ZYX: variants seen among roughly 807,000 people sequenced by gnomAD.
The protein encoded by ZYX is zyxin-2.
In ZYX, 37 loss-of-function variants were observed where a neutral mutation model predicts 58.1. The ratio of observed to expected loss-of-function variants is 0.64; its 90% CI spans 0.49 to 0.84. The LOEUF (loss-of-function observed/expected upper bound fraction) is 0.84, where lower values mean the gene tolerates loss of function less well. ZYX is among the 40% of genes least tolerant of loss of function. The pLI is 0.00. For missense variants in ZYX, 762 were observed against 761.6 expected (o/e 1.00, Z -0.01); for synonymous variants, 324 against 321.1 (o/e 1.01, Z -0.10).
chr7:143,385,064 G>A (rs991061525), intron 5 of ZYX, among the ~76,000 whole-genome samples: 4 of 152,146 alleles, frequency 2.6e-5, no homozygotes, highest in African/African-American at 7.2e-5. Context: ...GGAGGTGCGG[G>A]AAGAAGAGTC....
chr7:143,381,770 C>T lies in ZYX; in HGVS notation c.199C>T (p.Pro67Ser), dbSNP rs561592577. The change falls in exon 2 of 10, where the codon CCC becomes TCC. Residue 67 changes from proline to serine, a missense_variant. By Grantham distance (74) the Pro-to-Ser change is moderately conservative. Transcript: ENST00000322764. ...MGRVGEIPPP[P>S]PEDFPLPPPP... ...CCGGGTGGGCGAGATTCCCCCGCCG[C>T]CCCCGGAAGGTATGCGGCGGGGCTT... The T allele has an allele frequency of 7.4e-4, 1,164 of 1,575,378 alleles. 6 individuals are homozygous for T. Among genetic ancestry groups the T allele is most frequent in the South Asian group, 4.7e-3 (408 of 87,310 alleles).
chr7:143,386,484 G>A (rs1002274320), intron 5 of ZYX, among the ~76,000 whole-genome samples: 5 of 152,082 alleles, frequency 3.3e-5, no homozygotes, highest in Non-Finnish European at 5.9e-5. Context: ...GAGGTCGCGC[G>A]GGTGCTGCAG....
intron 5 of ZYX, among the ~76,000 whole-genome samples, chr7:143,386,845 T>C (rs1804882576): frequency 6.6e-6 from 1 of 152,124 alleles, no homozygotes; most frequent in African/African-American, 2.4e-5. Context: ...GGATGATGAC[T>C]GAGATGGACG....
chr7:143,383,266 C>A lies in ZYX; in HGVS notation c.967C>A (p.Pro323Thr), dbSNP rs1173498341. The change falls in exon 5 of 10, where the codon CCC becomes ACC. Residue 323 changes from proline to threonine, a missense_variant. Physicochemically the swap from Pro to Thr is conservative, Grantham distance 38 (BLOSUM62 -1). Transcript: ENST00000322764. The stretch of plus-strand genomic sequence containing the variant: ...CACCTATGCCCAGCAGAGGGAGAAG[C>A]CCCGAGTGCAGGAGAAGCAGCACCC... ...SFTYAQQREKPRVQEKQHPVP... is the reference protein window; with the variant it reads ...SFTYAQQREKTRVQEKQHPVP... The A allele has an allele frequency of 6.2e-7, 1 of 1,613,774 alleles. No individual in the cohort carries two copies. The highest frequency in any genetic ancestry group is 8.5e-7 in the Non-Finnish European group (1 of 1,179,952).
In ZYX at chr7:143,390,857, A is replaced by T. The variant is rs1805046099; in HGVS notation, c.*175A>T. The T allele has an allele frequency of 1.7e-6, 1 of 598,190 alleles. No individual in the cohort carries two copies. 37.1% of individuals were successfully genotyped at this position (598,190 alleles called of 1,614,324 possible). A position where few individuals can be genotyped will look rare whatever the true frequency, so the allele number is the denominator to read the frequency against. Reference sequence around the variant, plus strand: ...ACCCAACATGGTCTAGGGATGCAGGATCCCCGCCCTGGGGTCTGGTCCTCG... The same window carrying T: ...ACCCAACATGGTCTAGGGATGCAGGTTCCCCGCCCTGGGGTCTGGTCCTCG... On this transcript the variant is annotated 3_prime_UTR_variant, in exon 10 of 10. Transcript: ENST00000322764. The surrounding 1 kb of genome is among the most constrained non-coding windows in gnomAD (Gnocchi z 4.3).
chr7:143,381,944 GC>G, intron 2 of ZYX, 165 bp downstream of exon 2: 1 of 757,822 alleles, frequency 1.3e-6, no homozygotes, highest in Non-Finnish European at 2.0e-6. Context: ...GTGGCTGGGA[GC>G]CAGGGCTCCT....
chr7:143,390,806 T>G lies in ZYX; in HGVS notation c.*124T>G. On this transcript the variant is annotated 3_prime_UTR_variant, in exon 10 of 10. Transcript: ENST00000322764. This position sits in a 1 kb window ranked among gnomAD's most constrained non-coding sequence, Gnocchi z 4.3. ...GCCCCTCCCATTTCCAACCCCTCCC[T>G]AGCATCCCAGGTGCCCTGACCCAGG... is the stretch of plus-strand genomic sequence containing the variant. The G allele has an allele frequency of 1.3e-6, 1 of 743,440 alleles. No homozygotes were observed. Among genetic ancestry groups the G allele is most frequent in the Admixed American group, 2.2e-5 (1 of 46,382 alleles). The allele number at this position is 743,440 out of a possible 1,614,324, so 46.1% of individuals were successfully genotyped here.
chr7:143,387,834 CA>C lies in ZYX; in HGVS notation c.1024-384del, dbSNP rs1295298657. On this transcript the variant is annotated intron_variant, in intron 5 of 9. Coordinates refer to ENST00000322764, the MANE Select transcript of ZYX (RefSeq NM_003461.5). This position sits in a 1 kb window ranked among gnomAD's most constrained non-coding sequence, Gnocchi z 5.8. ...TGCACGCCATTGCGTGCCCCTGTCC[CA>C]TGGGGGCGATGTCCGAGCATGCTCT... 3 of 481,276 alleles carry C rather than the reference CA, an allele frequency of 6.2e-6. No homozygotes were observed. The Admixed American group carries it at 7.0e-5, about 11-fold the overall frequency. The allele number at this position is 481,276 out of a possible 1,614,324, so 29.8% of individuals were successfully genotyped here.
chr7:143,383,787 G>C (rs1804757414), intron 5 of ZYX, among the ~76,000 whole-genome samples: 1 of 152,230 alleles, frequency 6.6e-6, no homozygotes, highest in African/African-American at 2.4e-5. Context: ...CCACGTGCCA[G>C]GCACTGTGCT....
chr7:143,388,629 G>T lies in ZYX; in HGVS notation c.1285G>T (p.Gly429Trp). 1 of 1,613,502 alleles carries T rather than the reference G, an allele frequency of 6.2e-7. No individual in the cohort carries two copies. The highest frequency in any genetic ancestry group is 8.5e-7 in the Non-Finnish European group (1 of 1,179,940). ...GGGCCAGCAGTTCTACAGTCTGGAG[G>T]GGGCGCCGTACTGCGAGGGCTGTTA... ...LQGQQFYSLE[G>W]APYCEGCYTD... The change falls in exon 7 of 10, where the codon GGG (glycine) becomes TGG (tryptophan). Residue 429 changes from glycine (G) to tryptophan (W), a missense_variant. Physicochemically the swap from Gly to Trp is radical, Grantham distance 184 (BLOSUM62 -2). Transcript: ENST00000322764. The surrounding 1 kb of genome is among the most constrained non-coding windows in gnomAD (Gnocchi z 7.5).
rs774881530 is a variant in ZYX, at chr7:143,382,320, C to T, written c.281C>T (p.Pro94Leu). The part of the protein sequence containing the change: ...DAEGALGGAF[P>L]PPPPPIEESF... ...GAGGGTGCTCTGGGAGGTGCCTTCC[C>T]GCCGCCCCCTCCCCCGATCGAGGAA... Residue 94 changes from proline to leucine, a missense_variant, in exon 3 of 10, where the codon CCG (proline) becomes CTG (leucine). Physicochemically the swap from Pro to Leu is moderately conservative, Grantham distance 98 (BLOSUM62 -3). Coordinates refer to ENST00000322764, the MANE Select transcript of ZYX (RefSeq NM_003461.5). 1.9e-6 allele frequency: 3 copies of T among 1,609,612 alleles called. No homozygotes were observed. Among genetic ancestry groups the T allele is most frequent in the South Asian group, 1.1e-5 (1 of 90,780 alleles).
Position 143,387,195 on chromosome 7 carries a change from C to T in ZYX, c.1024-1024C>T, listed in dbSNP as rs897176412. On this transcript the variant is annotated intron_variant, in intron 5 of 9. Transcript: ENST00000322764. This position sits in a 1 kb window ranked among gnomAD's most constrained non-coding sequence, Gnocchi z 5.8. Reference sequence around the variant, plus strand: ...ATCTGGAGAGTTGGACTTATATGGACGCATGCTTCACTGGGCAGAAAGGAC... The same window carrying T: ...ATCTGGAGAGTTGGACTTATATGGATGCATGCTTCACTGGGCAGAAAGGAC... Among the ~76,000 whole-genome samples, 15 of 151,918 alleles carry T rather than the reference C, an allele frequency of 9.9e-5. No individual in the cohort carries two copies. Among genetic ancestry groups the T allele is most frequent in the African/African-American group, 2.7e-4 (11 of 41,320 alleles).
At position 143,390,380 on chromosome 7, in the gene ZYX, C is replaced by T; in HGVS notation, c.1615-198C>T. 5 of 591,398 alleles carry T rather than the reference C, an allele frequency of 8.5e-6. No homozygotes were observed. Among genetic ancestry groups the T allele is most frequent in the Non-Finnish European group, 1.2e-5 (4 of 330,890 alleles). The allele number at this position is 591,398 out of a possible 1,614,324, so 36.6% of individuals were successfully genotyped here. On this transcript the variant is annotated intron_variant, in intron 9 of 9. Transcript: ENST00000322764. This position sits in a 1 kb window ranked among gnomAD's most constrained non-coding sequence, Gnocchi z 4.3. ...GGAGCAGCTCTACCCACTGCTTGCC[C>T]TCTTGCAGGAAGGTCCTAGTGGGTG...
chr7:143,386,439 G>C (rs897489092), intron 5 of ZYX, among the ~76,000 whole-genome samples: 2 of 152,088 alleles, frequency 1.3e-5, no homozygotes, highest in African/African-American at 4.8e-5. Flanking sequence ...GAGATGGAGA[G>C]GTCTGGAACG....
In ZYX at chr7:143,381,610, G is replaced by T. The variant is rs370539938; in HGVS notation, c.39G>T (p.Ser13=). Residue 13 remains serine (S), a synonymous_variant, in exon 2 of 10, where the codon TCG becomes TCT. Transcript: ENST00000322764. ...GCCCGTCTCCCGCGATCTCCGTTTC[G>T]GTCTCGGCTCCGGCTTTTTACGCCC... ...APRPSPAISV[S]VSAPAFYAPQ... 2.5e-6 allele frequency: 4 copies of T among 1,611,934 alleles called. No homozygotes were observed. Among genetic ancestry groups the T allele is most frequent in the Non-Finnish European group, 3.4e-6 (4 of 1,179,424 alleles).
chr7:143,382,429 C>T lies in ZYX; in HGVS notation c.390C>T (p.Pro130=). ...AGGAGGAGGGAGGGCCTGAGGCCCCCATACCGCCCCCACCACAGGTACGGA... is the reference window on the plus strand; with the variant it reads ...AGGAGGAGGGAGGGCCTGAGGCCCCTATACCGCCCCCACCACAGGTACGGA... The part of the protein sequence containing the change: ...PPEEEGGPEA[P]IPPPPQPREK... Residue 130 remains proline, a synonymous_variant, in exon 3 of 10, where the codon CCC becomes CCT. Coordinates refer to ENST00000322764, the MANE Select transcript of ZYX (RefSeq NM_003461.5). 3 of 1,588,610 alleles carry T rather than the reference C, an allele frequency of 1.9e-6. No homozygotes were observed. The highest frequency in any genetic ancestry group is 1.7e-6 in the Non-Finnish European group (2 of 1,168,748).
rs199941849 is a variant in ZYX at position 143,383,289 on chromosome 7, C to T, written c.990C>T (p.His330=). 1.1e-5 allele frequency: 18 copies of T among 1,611,142 alleles called. No individual in the cohort carries two copies. The highest frequency in any genetic ancestry group is 1.5e-5 in the Non-Finnish European group (18 of 1,179,006). ...AGCCCCGAGTGCAGGAGAAGCAGCACCCCGTGCCCCCACCGGCTCAGAACC... is the reference window on the plus strand; with the variant it reads ...AGCCCCGAGTGCAGGAGAAGCAGCATCCCGTGCCCCCACCGGCTCAGAACC... ...REKPRVQEKQ[H]PVPPPAQNQN... is the part of the protein sequence containing the mutation. Residue 330 remains histidine (H), a synonymous_variant, in exon 5 of 10, where the codon CAC becomes CAT. Coordinates refer to ENST00000322764, the MANE Select transcript of ZYX (RefSeq NM_003461.5).
At position 143,387,630 on chromosome 7, in the gene ZYX, C is replaced by A; in HGVS notation, c.1024-589C>A. The A allele has an allele frequency of 2.2e-6, 1 of 459,316 alleles. No individual in the cohort carries two copies. Among genetic ancestry groups the A allele is most frequent in the Non-Finnish European group, 4.5e-6 (1 of 219,800 alleles). 28.5% of individuals were successfully genotyped at this position (459,316 alleles called of 1,614,324 possible). On this transcript the variant is annotated intron_variant, in intron 5 of 9. Transcript: ENST00000322764. This position sits in a 1 kb window ranked among gnomAD's most constrained non-coding sequence, Gnocchi z 5.8. ...TTCTCTGAGGCTGCTGGGGAGGGAC[C>A]TGAGTGAGGTAGTTCAGAGGCCCCT... is the stretch of plus-strand genomic sequence containing the variant.
rs1310554478 is a variant in ZYX, at chr7:143,387,917, G to A, written c.1024-302G>A. On this transcript the variant is annotated intron_variant, in intron 5 of 9. Transcript: ENST00000322764. This position sits in a 1 kb window ranked among gnomAD's most constrained non-coding sequence, Gnocchi z 5.8. The stretch of plus-strand genomic sequence containing the variant: ...GTGCTTCAGTGACCCGAGCTGCTGT[G>A]TGCGTGGCCTCCGTCCGCCCAGTCA... 5 of 521,626 alleles carry A rather than the reference G, an allele frequency of 9.6e-6. No individual in the cohort carries two copies. The highest frequency in any genetic ancestry group is 5.1e-4 in the Middle Eastern group (1 of 1,944). The allele number at this position is 521,626 out of a possible 1,614,324, so 32.3% of individuals were successfully genotyped here.
Sources: gnomAD v4.1 joint callset for allele counts (sites outside exome capture counted in the v4.1 genomes callset) on GRCh38, gnomAD v4.1.1 for gene constraint, Gnocchi (gnomAD v3.1) non-coding constraint, MANE v1.5 for transcripts, NCBI Gene and HGNC (gene_info 2026-07-23, HGNC 2026-07-21) for gene names.